The following CADPS2 variants were observed in gnomAD, a reference collection of about 807,000 sequenced individuals.
CADPS2 encodes the protein calcium-dependent secretion activator 2.
Under a neutral mutation model 172.5 loss-of-function variants are expected in CADPS2, and 93 were observed. That is an observed-to-expected ratio of 0.54 (90% CI 0.46 to 0.64). CADPS2 has a LOEUF of 0.64. Among genes scored for constraint, CADPS2 ranks in the 30% least tolerant of loss-of-function variants. CADPS2 has a pLI of 0.00. For synonymous variants in CADPS2, 546 were observed against 555.2 expected, an observed-to-expected ratio of 0.98 and a Z score of 0.23; for missense variants, 1,420 against 1,565.9, an observed-to-expected ratio of 0.91 and a Z score of 1.57.
chr7:122,336,188 A>AT (rs1179934189), intron 28 of CADPS2, among the ~76,000 whole-genome samples: 5 of 152,028 alleles, frequency 3.3e-5, no homozygotes, highest in African/African-American at 9.7e-5. Flanking sequence ...CCTTACACAG[A>AT]TTTTTTTTCT....
At chr7:122,875,547 T>A (rs1327507192) in intron 1 of CADPS2, among the ~76,000 whole-genome samples, 1 of 152,188 alleles carries the variant, frequency 6.6e-6, no homozygotes, top group African/African-American at 2.4e-5. Context: ...AATCAGTATA[T>A]TAATTTGTGA....
At chr7:122,553,589 G>A (rs772235460) in intron 8 of CADPS2, among the ~76,000 whole-genome samples, 2 of 152,028 alleles carry the variant, frequency 1.3e-5, no homozygotes, top group Admixed American at 6.6e-5. Context: ...TATACCTTGG[G>A]TTTCCCCCTG....
chr7:122,841,824 A>AC (rs140931285), intron 1 of CADPS2, among the ~76,000 whole-genome samples: 11,645 of 152,092 alleles, frequency 0.077, 505 homozygotes, highest in South Asian at 0.14. Context: ...TTAGTACTGT[A>AC]TTTTTTTTAC....
At chr7:122,530,153 G>A (rs2131300414) in intron 8 of CADPS2, among the ~76,000 whole-genome samples, 1 of 152,144 alleles carries the variant, frequency 6.6e-6, no homozygotes, top group Admixed American at 6.5e-5. Context: ...CTACAAGACA[G>A]ACTTTCAGAC....
rs1263730964 is a variant in CADPS2, at chr7:122,351,329, C to T, written c.3505-5648G>A. Among the ~76,000 whole-genome samples the T allele has an allele frequency of 8.8e-5, 11 of 124,348 alleles. No individual in the cohort carries two copies. The South Asian group carries it at 1.6e-3, about 18-fold the overall frequency. The allele number at this position is 124,348 out of a possible 152,430, so 81.6% of individuals were successfully genotyped here. A position where few individuals can be genotyped will look rare whatever the true frequency, so the allele number is the denominator to read the frequency against. On this transcript the variant is annotated intron_variant, in intron 27 of 29. Transcript: ENST00000449022. ...CAGAGCTTGCAGTGAGCCAAGATTG[C>T]GCCACTGCACTCCAGCCTGGGTGAC...
intron 9 of CADPS2, among the ~76,000 whole-genome samples, chr7:122,495,443 A>G (rs868648978): frequency 6.6e-6 from 1 of 152,228 alleles, no homozygotes; most frequent in Non-Finnish European, 1.5e-5. Flanking sequence ...TCATATGAAT[A>G]TATCATACAT....
intron 19 of CADPS2, among the ~76,000 whole-genome samples, chr7:122,408,268 T>C (rs1318441526): frequency 6.6e-6 from 1 of 152,180 alleles, no homozygotes; most frequent in African/African-American, 2.4e-5. Context: ...TATTTTTACA[T>C]AAATATCTTT....
intron 3 of CADPS2, 49 bp from the exon 4 acceptor site, chr7:122,629,377 A>G: frequency 7.1e-7 from 1 of 1,398,690 alleles, no homozygotes; most frequent in Non-Finnish European, 9.8e-7. Flanking sequence ...TAATCTATAT[A>G]CAGTGACCCA....
intron 6 of CADPS2, among the ~76,000 whole-genome samples, chr7:122,594,884 TTACA>T (rs1458650093): frequency 6.6e-6 from 1 of 151,848 alleles, no homozygotes; most frequent in African/African-American, 2.4e-5. Context: ...TTTTAAAAAC[TTACA>T]TATAGGAAAG....
intron 2 of CADPS2, among the ~76,000 whole-genome samples, chr7:122,690,013 G>A (rs1588442562): frequency 6.6e-6 from 1 of 152,186 alleles, no homozygotes; most frequent in East Asian, 1.9e-4. Context: ...GTTCTGCACA[G>A]AAGCTGGATG....
At chr7:122,499,228 T>A (rs1017338128) in intron 9 of CADPS2, among the ~76,000 whole-genome samples, 3 of 152,224 alleles carry the variant, frequency 2.0e-5, no homozygotes, top group African/African-American at 7.2e-5. Context: ...AGAGATCTAG[T>A]TCTTTTAAGT....
chr7:122,686,810 G>A (rs567249205), intron 2 of CADPS2, among the ~76,000 whole-genome samples: 17 of 152,100 alleles, frequency 1.1e-4, no homozygotes, highest in Non-Finnish European at 2.2e-4. Context: ...TCAGGCTCCC[G>A]AGTAGCTGGT....
intron 8 of CADPS2, among the ~76,000 whole-genome samples, chr7:122,517,278 G>A (rs1344227175): frequency 6.6e-6 from 1 of 152,070 alleles, no homozygotes; most frequent in Non-Finnish European, 1.5e-5. Flanking sequence ...GTAGGGATTT[G>A]CAAGAATGTG....
chr7:122,373,359 T>C (rs1271141068), intron 25 of CADPS2, among the ~76,000 whole-genome samples: 4 of 152,078 alleles, frequency 2.6e-5, no homozygotes, highest in Non-Finnish European at 5.9e-5. Context: ...TCACTGGAGA[T>C]TGGGGTATGG....
At chr7:122,481,541 A>C (rs2057305246) in intron 11 of CADPS2, among the ~76,000 whole-genome samples, 1 of 151,812 alleles carries the variant, frequency 6.6e-6, no homozygotes, top group South Asian at 2.1e-4. Flanking sequence ...GGAGTTCAAG[A>C]CCAGCCTGGC....
chr7:122,499,582 C>T (rs1011799473), intron 9 of CADPS2, among the ~76,000 whole-genome samples: 1 of 152,084 alleles, frequency 6.6e-6, no homozygotes, highest in African/African-American at 2.4e-5. Flanking sequence ...TTGATCAATC[C>T]TTTAATTTTG....
chr7:122,643,392 ACT>A (rs2077907553), intron 3 of CADPS2, among the ~76,000 whole-genome samples: 1 of 151,850 alleles, frequency 6.6e-6, no homozygotes, highest in Admixed American at 6.6e-5. Context: ...CTGGCTCCCT[ACT>A]CTCTCAGCCC....
chr7:122,561,600 G>A (rs552317765), intron 7 of CADPS2, among the ~76,000 whole-genome samples: 3 of 152,168 alleles, frequency 2.0e-5, no homozygotes, highest in Non-Finnish European at 4.4e-5. Context: ...AGTAGTCTAC[G>A]CTCCTTGAGA....
chr7:122,635,761 C>G (rs1315635729), intron 3 of CADPS2, among the ~76,000 whole-genome samples: 2 of 151,998 alleles, frequency 1.3e-5, no homozygotes, highest in East Asian at 1.9e-4. Flanking sequence ...CAAGAAGAAC[C>G]CATTTTATGA....
Sources: gnomAD v4.1 joint callset for allele counts (sites outside exome capture counted in the v4.1 genomes callset) on GRCh38, gnomAD v4.1.1 for gene constraint, MANE v1.5 for transcripts, NCBI Gene and HGNC (gene_info 2026-07-23, HGNC 2026-07-21) for gene names.